CPQ: variants seen among roughly 807,000 people sequenced by gnomAD.
The protein encoded by CPQ is carboxypeptidase Q.
Under a neutral mutation model 45.7 loss-of-function variants are expected in CPQ, and 37 were observed. The ratio of observed to expected loss-of-function variants is 0.81; its 90% CI spans 0.62 to 1.07. The LOEUF (loss-of-function observed/expected upper bound fraction) is 1.07. Among genes scored for constraint, CPQ ranks in the 50% least tolerant of loss-of-function variants. The pLI is 0.00. For synonymous variants in CPQ, 186 were observed against 205.8 expected, an observed-to-expected ratio of 0.90 and a Z score of 0.82; for missense variants, 537 against 572.9, an observed-to-expected ratio of 0.94 and a Z score of 0.64.
intron 4 of CPQ, among the ~76,000 whole-genome samples, chr8:96,947,795 CT>C (rs949750194): frequency 3.3e-5 from 5 of 152,136 alleles, no homozygotes; most frequent in Non-Finnish European, 5.9e-5. Flanking sequence ...TCATGTCCCT[CT>C]CTTTCCCATC....
intron 4 of CPQ, among the ~76,000 whole-genome samples, chr8:96,923,927 T>C (rs1812840816): frequency 6.6e-6 from 1 of 152,234 alleles, no homozygotes; most frequent in Admixed American, 6.5e-5. Context: ...CTCAGAATTG[T>C]GCCCCTGAAG....
chr8:96,865,506 A>G (rs1475482810), intron 3 of CPQ, among the ~76,000 whole-genome samples: 1 of 151,994 alleles, frequency 6.6e-6, no homozygotes, highest in Non-Finnish European at 1.5e-5. Flanking sequence ...TCGATATGCT[A>G]CCCTGTGGAG....
At chr8:96,731,852 T>C (rs1333489380) in intron 1 of CPQ, among the ~76,000 whole-genome samples, 1 of 152,130 alleles carries the variant, frequency 6.6e-6, no homozygotes, top group African/African-American at 2.4e-5. Flanking sequence ...TTCTTCCCTA[T>C]TTTTTTGTTC....
chr8:96,658,698 G>A (rs187387570), intron 1 of CPQ, among the ~76,000 whole-genome samples: 3 of 152,338 alleles, frequency 2.0e-5, no homozygotes, highest in East Asian at 1.9e-4. Context: ...AAGTCAGAGA[G>A]TTAGGAAGAT....
In CPQ at chr8:97,110,748, T is replaced by A. The variant is rs117555136; in HGVS notation, c.1256-32272T>A. ...ACTGCAGTTGTGCCTTCATCATCTC[T>A]GCACCCCCACACTCTAGCCTTCCTT... On this transcript the variant is annotated intron_variant, in intron 7 of 7. Transcript: ENST00000220763. Among the ~76,000 whole-genome samples, 192 of 152,284 alleles carry A rather than the reference T, an allele frequency of 1.3e-3. 3 individuals carry two copies. The East Asian group carries it at 0.033, about 26-fold the overall frequency.
At chr8:97,114,070 A>T (rs1811543573) in intron 7 of CPQ, among the ~76,000 whole-genome samples, 1 of 152,242 alleles carries the variant, frequency 6.6e-6, no homozygotes, top group African/African-American at 2.4e-5. Flanking sequence ...TGGGGATTTC[A>T]TAATACTCCC....
At chr8:96,787,121 A>G (rs954008896) in intron 2 of CPQ, among the ~76,000 whole-genome samples, 2 of 151,970 alleles carry the variant, frequency 1.3e-5, no homozygotes, top group African/African-American at 4.8e-5. Flanking sequence ...AACATTTACT[A>G]CTACTACTGT....
chr8:96,882,266 G>T (rs1563520171), intron 4 of CPQ, among the ~76,000 whole-genome samples: 2 of 152,222 alleles, frequency 1.3e-5, no homozygotes, highest in Non-Finnish European at 2.9e-5. Context: ...GAATCACAGG[G>T]AGTCAGACAG....
chr8:96,838,060 A>G (rs1319050883), intron 3 of CPQ, among the ~76,000 whole-genome samples: 4 of 152,092 alleles, frequency 2.6e-5, no homozygotes, highest in African/African-American at 9.7e-5. Flanking sequence ...TCACTGCCAC[A>G]CACTTATGAG....
At chr8:96,763,366 C>T (rs1043516075) in intron 1 of CPQ, among the ~76,000 whole-genome samples, 1 of 152,068 alleles carries the variant, frequency 6.6e-6, no homozygotes, top group Admixed American at 6.6e-5. Context: ...ACTGAATTGC[C>T]TTTGTACCTT....
At chr8:96,762,987 C>G (rs1810423218) in intron 1 of CPQ, among the ~76,000 whole-genome samples, 1 of 152,090 alleles carries the variant, frequency 6.6e-6, no homozygotes, top group South Asian at 2.1e-4. Context: ...GGCTGGAAGT[C>G]TGAGATCTAG....
chr8:96,769,974 G>A (rs192964594), intron 1 of CPQ, among the ~76,000 whole-genome samples: 10 of 152,256 alleles, frequency 6.6e-5, no homozygotes, highest in Admixed American at 6.5e-4. Context: ...TAAGAATTTA[G>A]GCTTTGTTGT....
chr8:96,767,347 G>A (rs996578459), intron 1 of CPQ, among the ~76,000 whole-genome samples: 4 of 152,008 alleles, frequency 2.6e-5, no homozygotes, highest in Admixed American at 1.3e-4. Flanking sequence ...GTGAGACATC[G>A]GGAAATAAAT....
intron 1 of CPQ, among the ~76,000 whole-genome samples, chr8:96,664,495 C>T (rs1011282714): frequency 2.6e-5 from 4 of 152,116 alleles, no homozygotes; most frequent in African/African-American, 4.8e-5. Context: ...GAATTTGATA[C>T]GTGTCAACTG....
chr8:96,890,282 A>G (rs1346522175), intron 4 of CPQ, among the ~76,000 whole-genome samples: 1 of 152,234 alleles, frequency 6.6e-6, no homozygotes, highest in Non-Finnish European at 1.5e-5. Context: ...AATTAGGAGG[A>G]AATATTCACA....
At chr8:96,979,692 G>A (rs558580061) in intron 5 of CPQ, among the ~76,000 whole-genome samples, 11 of 152,130 alleles carry the variant, frequency 7.2e-5, no homozygotes, top group Admixed American at 7.2e-4. Context: ...GCCGTGGAAC[G>A]TAAGGGTTTA....
At chr8:96,854,523 TCC>T (rs1480134007) in intron 3 of CPQ, among the ~76,000 whole-genome samples, 2 of 30,612 alleles carry the variant, frequency 6.5e-5, no homozygotes, top group Non-Finnish European at 1.0e-4. Flanking sequence ...AGAGCGAGAC[TCC>T]GTCTCAAAAA....
chr8:96,949,880 C>T (rs1000574851), intron 4 of CPQ, among the ~76,000 whole-genome samples: 6 of 152,026 alleles, frequency 3.9e-5, no homozygotes, highest in South Asian at 2.1e-4. Flanking sequence ...GATTCTAATG[C>T]GTTTCTAGTC....
chr8:97,102,191 C>T (rs1462481274), intron 7 of CPQ, among the ~76,000 whole-genome samples: 34 of 152,168 alleles, frequency 2.2e-4, no homozygotes, highest in Admixed American at 1.9e-3. Flanking sequence ...AAAAGGAAAA[C>T]GGATGTATTT....
Sources: gnomAD v4.1 joint callset for allele counts (sites outside exome capture counted in the v4.1 genomes callset) on GRCh38, gnomAD v4.1.1 for gene constraint, MANE v1.5 for transcripts, NCBI Gene and HGNC (gene_info 2026-07-23, HGNC 2026-07-21) for gene names.